Variants in RNF144A observed in about 807,000 individuals in gnomAD.
RNF144A encodes the protein E3 ubiquitin-protein ligase RNF144A.
RNF144A carries 11 observed loss-of-function variants against 38.7 expected under a neutral mutation model. That is an observed-to-expected ratio of 0.28 (90% CI 0.18 to 0.47). The LOEUF is 0.47. Ranked by LOEUF, RNF144A falls within the 20% of genes least tolerant of loss-of-function variation. The pLI is 0.99. For missense variants in RNF144A, 316 were observed against 377.2 expected, an observed-to-expected ratio of 0.84 and a Z score of 1.34; for synonymous variants, 149 against 143.9, an observed-to-expected ratio of 1.04 and a Z score of -0.25.
downstream of RNF144A, among the ~76,000 whole-genome samples, chr2:7,071,568 T>A (rs1207815623): frequency 6.6e-6 from 1 of 152,222 alleles, no homozygotes; most frequent in Non-Finnish European, 1.5e-5. Flanking sequence ...TGTGATCACA[T>A]TTGTGTGATG....
At chr2:6,959,907 G>A (rs1172889958) in intron 2 of RNF144A, among the ~76,000 whole-genome samples, 1 of 152,166 alleles carries the variant, frequency 6.6e-6, no homozygotes, top group Non-Finnish European at 1.5e-5. Flanking sequence ...GGATTCCCCG[G>A]GACTTGTCTA....
At chr2:7,011,020 G>A (rs1044961672) in intron 3 of RNF144A, among the ~76,000 whole-genome samples, 4 of 152,144 alleles carry the variant, frequency 2.6e-5, no homozygotes, top group Non-Finnish European at 4.4e-5. Flanking sequence ...AGAGGTTCTC[G>A]GGGTTGACTG....
At chr2:7,056,021 A>G (rs527758893) in intron 6 of RNF144A, among the ~76,000 whole-genome samples, 39 of 152,276 alleles carry the variant, frequency 2.6e-4, no homozygotes, top group African/African-American at 9.1e-4. Flanking sequence ...AAGACTAGGT[A>G]AAGGCTTTAT....
intron 6 of RNF144A, among the ~76,000 whole-genome samples, chr2:7,054,291 C>T (rs1276075117): frequency 6.6e-6 from 1 of 152,222 alleles, no homozygotes; most frequent in African/African-American, 2.4e-5. Flanking sequence ...AGCCATCACC[C>T]ACTACCCTGG....
chr2:7,055,561 C>A (rs1227955942), intron 6 of RNF144A, among the ~76,000 whole-genome samples: 1 of 152,170 alleles, frequency 6.6e-6, no homozygotes, highest in Non-Finnish European at 1.5e-5. Context: ...AATACCTCCC[C>A]AGCATGTTTA....
chr2:6,979,421 A>G (rs1668498467), intron 2 of RNF144A, among the ~76,000 whole-genome samples: 1 of 152,224 alleles, frequency 6.6e-6, no homozygotes, highest in African/African-American at 2.4e-5. Context: ...ATCCTAGCCA[A>G]CTAAATGGTC....
chr2:6,951,824 A>G (rs779962241), intron 2 of RNF144A, among the ~76,000 whole-genome samples: 1 of 152,120 alleles, frequency 6.6e-6, no homozygotes, highest in Non-Finnish European at 1.5e-5. Flanking sequence ...TTTTGTCTAT[A>G]GATTCTTGTA....
In RNF144A at chr2:7,012,444, A is replaced by T. The variant is rs148547323; in HGVS notation, c.136-2010A>T. 8.6e-3 allele frequency among the ~76,000 whole-genome samples: 1,314 copies of T among 152,098 alleles called. 7 individuals are homozygous for T. The highest frequency in any genetic ancestry group is 0.012 in the Non-Finnish European group (846 of 67,980). On this transcript the variant is annotated intron_variant, in intron 3 of 8. Transcript: ENST00000320892. ...GGCATTCTGGTTTTATTGTCAAGGG[A>T]GCTGTTGCTCAAACTCTGACTTGAG...
chr2:6,952,712 A>C (rs1666763731), intron 2 of RNF144A, among the ~76,000 whole-genome samples: 1 of 151,878 alleles, frequency 6.6e-6, no homozygotes, highest in Non-Finnish European at 1.5e-5. Flanking sequence ...TTATATATAC[A>C]TATACACACA....
At chr2:6,977,803 A>G (rs78393225) in intron 2 of RNF144A, among the ~76,000 whole-genome samples, 1,672 of 152,348 alleles carry the variant, frequency 0.011, 22 homozygotes, top group African/African-American at 0.038. Context: ...TGGGGTGTCT[A>G]TTCTGGAGAG....
chr2:7,000,279 C>T (rs1470691068), intron 3 of RNF144A, among the ~76,000 whole-genome samples: 1 of 152,226 alleles, frequency 6.6e-6, no homozygotes, highest in Admixed American at 6.5e-5. Flanking sequence ...TAAAGCTGAA[C>T]ATTTGTGTGC....
chr2:7,021,177 G>A (rs72781802), intron 6 of RNF144A, among the ~76,000 whole-genome samples: 7,047 of 152,220 alleles, frequency 0.046, 181 homozygotes, highest in Middle Eastern at 0.078. Flanking sequence ...GAATGCTGCC[G>A]CACCACGCTC....
intron 3 of RNF144A, among the ~76,000 whole-genome samples, chr2:7,008,613 C>T (rs949845763): frequency 1.1e-4 from 17 of 152,234 alleles, no homozygotes; most frequent in South Asian, 4.1e-4. Context: ...CCTGTCCCCC[C>T]GGGCCAGATG....
downstream of RNF144A, among the ~76,000 whole-genome samples, chr2:7,045,902 G>GC (rs112140827): frequency 0.5 from 75,265 of 151,984 alleles, 19,116 homozygotes; most frequent in East Asian, 0.73. Context: ...TGTAGGAATT[G>GC]CCCCCCAGAA....
downstream of RNF144A, among the ~76,000 whole-genome samples, chr2:7,071,682 A>T (rs764767575): frequency 1.3e-5 from 2 of 152,234 alleles, no homozygotes; most frequent in Non-Finnish European, 2.9e-5. Context: ...AAGGTTTGGG[A>T]TGCTGAATGG....
At chr2:6,985,215 T>A (rs909267208) in intron 2 of RNF144A, among the ~76,000 whole-genome samples, 2 of 151,838 alleles carry the variant, frequency 1.3e-5, no homozygotes, top group African/African-American at 2.4e-5. Flanking sequence ...TCCCCAGGTT[T>A]CTTTGAACAG....
At chr2:6,994,735 C>T (rs1669612635) in intron 2 of RNF144A, among the ~76,000 whole-genome samples, 1 of 152,180 alleles carries the variant, frequency 6.6e-6, no homozygotes, top group African/African-American at 2.4e-5. Context: ...TCAAAGAGTC[C>T]TTTTGTAACA....
At chr2:7,009,925 A>C (rs1301727479) in intron 3 of RNF144A, among the ~76,000 whole-genome samples, 2 of 151,984 alleles carry the variant, frequency 1.3e-5, no homozygotes, top group African/African-American at 4.8e-5. Flanking sequence ...TGTGTGTTCT[A>C]CTCATCTTTG....
chr2:6,922,051 T>A (rs1369900508), intron 1 of RNF144A, among the ~76,000 whole-genome samples: 1 of 152,210 alleles, frequency 6.6e-6, no homozygotes, highest in African/African-American at 2.4e-5. Flanking sequence ...CAGTGCATTT[T>A]CCTTTTCACT....
Sources: allele counts gnomAD v4.1 joint callset (sites outside exome capture counted in the v4.1 genomes callset), GRCh38; gene constraint gnomAD v4.1.1; transcripts MANE v1.5; gene names NCBI Gene and HGNC (gene_info 2026-07-23, HGNC 2026-07-21).